Variants in ARCN1 observed in about 807,000 individuals in gnomAD.
ARCN1 encodes coatomer subunit delta.
In ARCN1, 5 loss-of-function variants were observed where a neutral mutation model predicts 60.4. The ratio of observed to expected loss-of-function variants is 0.08; its 90% CI spans 0.04 to 0.17. The LOEUF is 0.17. ARCN1 is among the 10% of genes least tolerant of loss of function. ARCN1 has a pLI of 1.00. For synonymous variants in ARCN1, 224 were observed against 220.0 expected (o/e 1.02, Z -0.16); for missense variants, 464 against 626.5 (o/e 0.74, Z 2.77).
At chr11:118,590,222 C>T (rs1565363687) in intron 5 of ARCN1, 119 bp from the exon 6 acceptor site, 2 of 687,584 alleles carry the variant, frequency 2.9e-6, no homozygotes, top group Non-Finnish European at 2.4e-6. Context: ...CTCGAACTCC[C>T]CACCTCAGGT....
chr11:118,573,699 T>A (rs1555072894), intron 1 of ARCN1: 1 of 701,884 alleles, frequency 1.4e-6, no homozygotes, highest in Non-Finnish European at 2.6e-6. Flanking sequence ...TAAGTTCTAT[T>A]GACAACCCTT....
rs1938763745 is a variant in ARCN1, at chr11:118,585,720, G to T, written c.818+1076G>T. ...ACGCTGGGCTAATTTCTGTATTTTGGTAGAGATGGGGTTTTGCCTTGTTGC... is the reference window on the plus strand; with the variant it reads ...ACGCTGGGCTAATTTCTGTATTTTGTTAGAGATGGGGTTTTGCCTTGTTGC... On this transcript the variant is annotated intron_variant, in intron 5 of 9. Coordinates refer to ENST00000264028, the MANE Select transcript of ARCN1 (RefSeq NM_001655.5). Among the ~76,000 whole-genome samples, 3 of 151,980 alleles carry T rather than the reference G, an allele frequency of 2.0e-5. No homozygotes were observed. The South Asian group carries it at 6.2e-4, about 32-fold the overall frequency.
chr11:118,590,649 A>G (rs1435848650), intron 6 of ARCN1, 143 bp downstream of exon 6: 3 of 815,814 alleles, frequency 3.7e-6, no homozygotes, highest in Non-Finnish European at 5.7e-6. Flanking sequence ...AAAGAAGTTA[A>G]TATATTGCAT....
At chr11:118,584,152 T>C (rs1470029334) in intron 4 of ARCN1, 138 bp downstream of exon 4, 9 of 870,104 alleles carry the variant, frequency 1.0e-5, no homozygotes, top group Non-Finnish European at 1.6e-5. Flanking sequence ...TTTGGCCACA[T>C]ACAATATGAG....
At chr11:118,577,867 A>G (rs1186771430) in intron 1 of ARCN1, among the ~76,000 whole-genome samples, 1 of 152,174 alleles carries the variant, frequency 6.6e-6, no homozygotes, top group Non-Finnish European at 1.5e-5. Flanking sequence ...TCATCAGTAA[A>G]GTGGATGGGC....
At position 118,594,572 on chromosome 11, in the gene ARCN1, T is replaced by A. The variant is rs189829999; in HGVS notation, c.1241+874T>A. Among the ~76,000 whole-genome samples, 650 of 152,236 alleles carry A rather than the reference T, an allele frequency of 4.3e-3. 2 individuals are homozygous for A. The highest frequency in any genetic ancestry group is 5.1e-3 in the Non-Finnish European group (347 of 68,022). ...TTTATTTTTTATTTTTATTGGAGACTGAGTTTCACTCTTGTTGCCCAGGCT... is the reference window on the plus strand; with the variant it reads ...TTTATTTTTTATTTTTATTGGAGACAGAGTTTCACTCTTGTTGCCCAGGCT... On this transcript the variant is annotated intron_variant, in intron 8 of 9. Coordinates refer to ENST00000264028, the MANE Select transcript of ARCN1 (RefSeq NM_001655.5).
intron 1 of ARCN1, among the ~76,000 whole-genome samples, chr11:118,580,437 C>T (rs1348597545): frequency 6.6e-6 from 1 of 152,106 alleles, no homozygotes; most frequent in Non-Finnish European, 1.5e-5. Context: ...AGATGTATCC[C>T]AGACAATTAT....
intron 9 of ARCN1, 82 bp from the exon 10 acceptor site, chr11:118,600,543 A>C: frequency 1.1e-6 from 1 of 875,866 alleles, no homozygotes. Context: ...AGGGAAATTG[A>C]TATGTTCTGT....
intron 9 of ARCN1, 130 bp downstream of exon 9, chr11:118,598,041 A>G: frequency 2.5e-6 from 2 of 785,754 alleles, no homozygotes; most frequent in South Asian, 3.7e-5. Context: ...TGTCTCCTAC[A>G]GGAATTCCCT....
chr11:118,589,660 A>C (rs1407598109), intron 5 of ARCN1, among the ~76,000 whole-genome samples: 2 of 152,180 alleles, frequency 1.3e-5, no homozygotes, highest in African/African-American at 4.8e-5. Flanking sequence ...TGACCTCGTG[A>C]TCTACCCGCC....
rs781901266 is a variant in ARCN1 at position 118,572,563 on chromosome 11, C to T, written c.3+13C>T. ...CGCCCTCACCATGGTAAGATCCGAGCCAGGACCCGAACTCCTGGGGTCCGA... is the reference window on the plus strand; with the variant it reads ...CGCCCTCACCATGGTAAGATCCGAGTCAGGACCCGAACTCCTGGGGTCCGA... On this transcript the variant is annotated intron_variant, in intron 1 of 9. Transcript: ENST00000264028. The T allele has an allele frequency of 1.9e-6, 3 of 1,608,060 alleles. No homozygotes were observed. Among genetic ancestry groups the T allele is most frequent in the South Asian group, 2.2e-5 (2 of 90,038 alleles).
Position 118,581,243 on chromosome 11 carries a change from C to T in ARCN1, c.4-3C>T, listed in dbSNP as rs782550649. On this transcript the variant is annotated splice_region_variant and splice_polypyrimidine_tract_variant and intron_variant, in intron 1 of 9. Transcript: ENST00000264028. ...TACTTACTTATGCATATGTTCCTGG[C>T]AGGTGCTGTTGGCAGCAGCGGTCTG... 6 of 1,613,948 alleles carry T rather than the reference C, an allele frequency of 3.7e-6. No individual in the cohort carries two copies. The Admixed American group carries it at 6.7e-5, about 18-fold the overall frequency.
intron 1 of ARCN1, among the ~76,000 whole-genome samples, chr11:118,578,930 C>T (rs1938588821): frequency 7.8e-6 from 1 of 127,780 alleles, no homozygotes; most frequent in Non-Finnish European, 1.6e-5. Context: ...AAATCCATTA[C>T]CTTGAAGTGG....
intron 5 of ARCN1, among the ~76,000 whole-genome samples, chr11:118,589,306 A>G (rs1051702446): frequency 1.3e-5 from 2 of 152,256 alleles, no homozygotes; most frequent in African/African-American, 4.8e-5. Flanking sequence ...AAAAGGGTAT[A>G]TATGTCTTCC....
intron 8 of ARCN1, chr11:118,593,945 G>A: frequency 3.1e-6 from 1 of 322,760 alleles, no homozygotes; most frequent in Non-Finnish European, 5.9e-6. Context: ...CTTCAGAGGG[G>A]CACAAGGGAA....
At chr11:118,580,875 A>G (rs1419714341) in intron 1 of ARCN1, among the ~76,000 whole-genome samples, 1 of 152,102 alleles carries the variant, frequency 6.6e-6, no homozygotes, top group Non-Finnish European at 1.5e-5. Flanking sequence ...GTTCACGCCT[A>G]TAATCCCAGC....
In ARCN1 at chr11:118,582,763, G is replaced by A. The variant is rs188843024; in HGVS notation, c.268-416G>A. ...AAAAAAAAAATCAGGGAGTTAGGCTGGGCGCAGTGGCTCACGCCTGTAATC... is the reference window on the plus strand; with the variant it reads ...AAAAAAAAAATCAGGGAGTTAGGCTAGGCGCAGTGGCTCACGCCTGTAATC... On this transcript the variant is annotated intron_variant, in intron 2 of 9. Transcript: ENST00000264028. Among the ~76,000 whole-genome samples the A allele has an allele frequency of 9.5e-3, 1,429 of 151,200 alleles. 12 individuals carry two copies. The highest frequency in any genetic ancestry group is 0.016 in the Non-Finnish European group (1,064 of 67,812).
intron 6 of ARCN1, among the ~76,000 whole-genome samples, chr11:118,591,987 C>G (rs545461015): frequency 1.3e-5 from 2 of 150,368 alleles, no homozygotes; most frequent in East Asian, 3.9e-4. Flanking sequence ...ATGGTGTGAT[C>G]TCGGCTCACC....
chr11:118,586,596 C>T (rs1451161929), intron 5 of ARCN1, among the ~76,000 whole-genome samples: 3 of 151,906 alleles, frequency 2.0e-5, no homozygotes, highest in Non-Finnish European at 4.4e-5. Flanking sequence ...CTGAGGTGGG[C>T]GGATTGCCTG....
Sources: gnomAD v4.1 joint callset for allele counts (sites outside exome capture counted in the v4.1 genomes callset) on GRCh38, gnomAD v4.1.1 for gene constraint, MANE v1.5 for transcripts, NCBI Gene and HGNC (gene_info 2026-07-23, HGNC 2026-07-21) for gene names.